Variants in CDH12 observed in about 807,000 individuals in gnomAD.
CDH12 encodes cadherin 12.
CDH12 carries 41 observed loss-of-function variants against 74.1 expected under a neutral mutation model. That is an observed-to-expected ratio of 0.55 (90% CI 0.43 to 0.72). The LOEUF (loss-of-function observed/expected upper bound fraction) is 0.72, where lower values mean the gene tolerates loss of function less well. Among genes scored for constraint, CDH12 ranks in the 30% least tolerant of loss-of-function variants. The pLI is 0.00. For missense variants in CDH12, 945 were observed against 977.2 expected (o/e 0.97, Z 0.44); for synonymous variants, 399 against 355.0 (o/e 1.12, Z -1.39).
chr5:22,694,727 G>A (rs1243125099), intron 1 of CDH12, among the ~76,000 whole-genome samples: 2 of 24,868 alleles, frequency 8.0e-5, no homozygotes, highest in Non-Finnish European at 2.1e-4. Flanking sequence ...CCTTGTACAC[G>A]TCTTTCAATT....
chr5:22,395,762 T>C (rs559065083), intron 3 of CDH12, among the ~76,000 whole-genome samples: 1 of 152,182 alleles, frequency 6.6e-6, no homozygotes, highest in Admixed American at 6.5e-5. Flanking sequence ...TATTTAGTGA[T>C]ATGGAGCTGT....
chr5:21,883,655 C>T, intron 6 of CDH12: 1 of 1,612,042 alleles, frequency 6.2e-7, no homozygotes, highest in South Asian at 1.1e-5. Context: ...AAGACGATGC[C>T]ATGCTCTTAA....
At chr5:22,339,753 C>T (rs1243991850) in intron 3 of CDH12, among the ~76,000 whole-genome samples, 1 of 152,068 alleles carries the variant, frequency 6.6e-6, no homozygotes, top group African/African-American at 2.4e-5. Flanking sequence ...TTTAGCAGGT[C>T]TTTGAAAAAC....
At chr5:22,478,331 T>G (rs1373578723) in intron 2 of CDH12, among the ~76,000 whole-genome samples, 1 of 137,834 alleles carries the variant, frequency 7.3e-6, no homozygotes, top group Non-Finnish European at 1.5e-5. Flanking sequence ...GGCAGGAGAA[T>G]GGCGTGAACC....
chr5:22,082,309 C>T (rs1030564235), intron 4 of CDH12, among the ~76,000 whole-genome samples: 10 of 152,276 alleles, frequency 6.6e-5, no homozygotes, highest in African/African-American at 2.2e-4. Flanking sequence ...TTCTCTTTGG[C>T]ATATCCAAGT....
chr5:22,169,343 A>G (rs1259286355), intron 4 of CDH12, among the ~76,000 whole-genome samples: 10 of 152,020 alleles, frequency 6.6e-5, no homozygotes, highest in African/African-American at 2.2e-4. Context: ...TTACTGAGCC[A>G]AAGTTCTTCC....
chr5:22,213,577 C>G (rs1364633908), intron 3 of CDH12: 1 of 152,156 alleles, frequency 6.6e-6, no homozygotes, highest in Non-Finnish European at 1.5e-5. Flanking sequence ...CATCCGTCAT[C>G]CGCTCTTTCT....
At chr5:22,107,890 T>C (rs1016066091) in intron 4 of CDH12, among the ~76,000 whole-genome samples, 3 of 152,142 alleles carry the variant, frequency 2.0e-5, no homozygotes, top group African/African-American at 7.2e-5. Context: ...ATATAAAATG[T>C]GTTACAGGCA....
intron 4 of CDH12, among the ~76,000 whole-genome samples, chr5:22,128,905 T>C (rs892679451): frequency 9.2e-5 from 14 of 152,226 alleles, no homozygotes; most frequent in Non-Finnish European, 1.6e-4. Context: ...TGTCTCCCTG[T>C]AAAGAGCTAC....
At chr5:22,651,704 T>C (rs1435596463) in intron 1 of CDH12, among the ~76,000 whole-genome samples, 1 of 151,484 alleles carries the variant, frequency 6.6e-6, no homozygotes, top group African/African-American at 2.4e-5. Flanking sequence ...GATGGTGGTT[T>C]TTTTTTTTTC....
At chr5:22,521,873 T>C (rs1158591555) in intron 1 of CDH12, among the ~76,000 whole-genome samples, 1 of 152,190 alleles carries the variant, frequency 6.6e-6, no homozygotes, top group African/African-American at 2.4e-5. Context: ...TACCTCCAAA[T>C]AGAGTTTCCT....
At chr5:22,132,698 T>C (rs1335411005) in intron 4 of CDH12, among the ~76,000 whole-genome samples, 2 of 152,050 alleles carry the variant, frequency 1.3e-5, no homozygotes, top group African/African-American at 4.8e-5. Context: ...AACCAAAAGG[T>C]AGGGCCTAAT....
At chr5:21,849,544 T>G (rs1429673909) in intron 7 of CDH12, among the ~76,000 whole-genome samples, 2 of 151,808 alleles carry the variant, frequency 1.3e-5, no homozygotes, top group African/African-American at 4.8e-5. Context: ...TAGCGTCTAT[T>G]GATTTCCTTG....
At chr5:21,987,995 A>G (rs1757586338) in intron 5 of CDH12, among the ~76,000 whole-genome samples, 1 of 152,076 alleles carries the variant, frequency 6.6e-6, no homozygotes, top group Non-Finnish European at 1.5e-5. Context: ...GCTAGAAAAA[A>G]AATACACCAT....
chr5:21,845,555 C>CTTT lies in CDH12; in HGVS notation c.647-3230_647-3228dup, dbSNP rs11437870. Among the ~76,000 whole-genome samples, 255 of 133,760 alleles carry CTTT rather than the reference C, an allele frequency of 1.9e-3. 3 individuals carry two copies. The highest frequency in any genetic ancestry group is 6.8e-3 in the East Asian group (31 of 4,530). The allele number at this position is 133,760 out of a possible 152,430, so 87.8% of individuals were successfully genotyped here. A position where few individuals can be genotyped will look rare whatever the true frequency, so the allele number is the denominator to read the frequency against. ...TCTTTCTGGTTTCTTCCACTTTAGTCTTTTTTTTTTTTTTTTTCATGAAGC... is the reference window on the plus strand; with the variant it reads ...TCTTTCTGGTTTCTTCCACTTTAGTCTTTTTTTTTTTTTTTTTTTTCATGAAGC... On this transcript the variant is annotated intron_variant, in intron 7 of 14. Transcript: ENST00000382254.
chr5:22,413,698 A>G (rs1360700521), intron 2 of CDH12, among the ~76,000 whole-genome samples: 1 of 152,064 alleles, frequency 6.6e-6, no homozygotes. Flanking sequence ...ATTTCTTTAC[A>G]TTAGCATAGC....
At chr5:21,982,941 C>T (rs1427588484) in intron 5 of CDH12, among the ~76,000 whole-genome samples, 1 of 151,900 alleles carries the variant, frequency 6.6e-6, no homozygotes, top group Non-Finnish European at 1.5e-5. Context: ...TTAGATTCAT[C>T]CCACTTCTGA....
At chr5:22,818,513 A>T (rs1299968525) in intron 1 of CDH12, among the ~76,000 whole-genome samples, 1 of 152,126 alleles carries the variant, frequency 6.6e-6, no homozygotes, top group Non-Finnish European at 1.5e-5. Flanking sequence ...GTGTGCAAAT[A>T]GTCTGTTTGT....
chr5:22,652,773 C>T (rs1015652307), intron 1 of CDH12, among the ~76,000 whole-genome samples: 15 of 152,042 alleles, frequency 9.9e-5, no homozygotes, highest in African/African-American at 3.4e-4. Flanking sequence ...ATTAGATAAA[C>T]TTCTTCAGAG....
Sources: gnomAD v4.1 joint callset for allele counts (sites outside exome capture counted in the v4.1 genomes callset) on GRCh38, gnomAD v4.1.1 for gene constraint, MANE v1.5 for transcripts, NCBI Gene and HGNC (gene_info 2026-07-23, HGNC 2026-07-21) for gene names.